The following OR10J1 variants were observed in gnomAD, a reference collection of about 807,000 sequenced individuals.
The protein encoded by OR10J1 is olfactory receptor 10J1.
For missense variants in OR10J1, 474 were observed against 376.6 expected, an observed-to-expected ratio of 1.26 and a Z score of -2.14; for synonymous variants, 202 against 143.8, an observed-to-expected ratio of 1.40 and a Z score of -2.89.
the OR10J1 span, among the ~76,000 whole-genome samples, chr1:159,431,534 T>C: frequency 2.0e-5 from 3 of 152,150 alleles, no homozygotes; most frequent in East Asian, 5.8e-4. Context: ...ACCAGGTGAG[T>C]CTGAGTAGAG....
At chr1:159,409,946 T>C in the OR10J1 span, among the ~76,000 whole-genome samples, 1 of 152,228 alleles carries the variant, frequency 6.6e-6, no homozygotes, top group South Asian at 2.1e-4. Context: ...TCTGCATCTA[T>C]TGAGATAATC....
the OR10J1 span, among the ~76,000 whole-genome samples, chr1:159,416,802 A>C: frequency 0.11 from 16,465 of 151,944 alleles, 1,139 homozygotes; most frequent in East Asian, 0.23. Context: ...TCCTGATTCA[A>C]GTCTTGGTAG....
At chr1:159,406,431 T>A in the OR10J1 span, 1 of 363,010 alleles carries the variant, frequency 2.8e-6, no homozygotes, top group Non-Finnish European at 5.4e-6. Flanking sequence ...TCCAACTATG[T>A]AACAGATTAC....
chr1:159,433,155 T>C (rs997051869), upstream of OR10J1: 1 of 403,016 alleles, frequency 2.5e-6, no homozygotes, highest in Non-Finnish European at 4.4e-6. Flanking sequence ...GTCAGTTCAA[T>C]AACAATCAAA....
the OR10J1 span, among the ~76,000 whole-genome samples, chr1:159,423,865 C>T: frequency 2.6e-5 from 4 of 152,276 alleles, no homozygotes; most frequent in African/African-American, 9.6e-5. Flanking sequence ...ACAAGAAACA[C>T]ACCCAGAACT....
chr1:159,424,609 A>G, the OR10J1 span, among the ~76,000 whole-genome samples: 2 of 151,894 alleles, frequency 1.3e-5, no homozygotes, highest in African/African-American at 4.8e-5. Flanking sequence ...TTCTACAAAA[A>G]GAAAACTTTG....
chr1:159,439,593 T>C (rs1042042202), upstream of OR10J1: 10 of 660,864 alleles, frequency 1.5e-5, no homozygotes, highest in Admixed American at 2.6e-4. Context: ...TGGAAAATTA[T>C]AACAGATGGT....
At chr1:159,399,548 G>A in the OR10J1 span, among the ~76,000 whole-genome samples, 1 of 142,592 alleles carries the variant, frequency 7.0e-6, no homozygotes, top group Non-Finnish European at 1.5e-5. Flanking sequence ...TCCAGCCTGG[G>A]CGATAGAGCG....
the OR10J1 span, among the ~76,000 whole-genome samples, chr1:159,413,781 T>TACACATATGTAACTAACCTGC: frequency 5.2e-4 from 79 of 151,742 alleles, no homozygotes; most frequent in Admixed American, 2.2e-3. Context: ...ATGGCACATG[T>TACACATATGTAACTAACCTGC]ACACATATGT....
At chr1:159,435,167 C>G (rs905268898), upstream of OR10J1, among the ~76,000 whole-genome samples, 3 of 152,248 alleles carry the variant, frequency 2.0e-5, no homozygotes, top group South Asian at 2.1e-4. Flanking sequence ...GATTTCACTC[C>G]GAGTGTTCTT....
At chr1:159,431,087 C>T in the OR10J1 span, among the ~76,000 whole-genome samples, 1 of 152,162 alleles carries the variant, frequency 6.6e-6, no homozygotes, top group African/African-American at 2.4e-5. Flanking sequence ...GAAGCAGAAG[C>T]TACCCTCCAC....
the OR10J1 span, among the ~76,000 whole-genome samples, chr1:159,419,160 T>C: frequency 6.6e-6 from 1 of 152,100 alleles, no homozygotes; most frequent in Non-Finnish European, 1.5e-5. Flanking sequence ...CTGAAATGAG[T>C]TAAGACTTTG....
In OR10J1 at chr1:159,440,061, G is replaced by T. The variant is rs758434052; in HGVS notation, c.270G>T (p.Gln90His). 6 of 1,613,964 alleles carry T rather than the reference G, an allele frequency of 3.7e-6. No individual in the cohort carries two copies. Among genetic ancestry groups the T allele is most frequent in the Non-Finnish European group, 5.1e-6 (6 of 1,180,012 alleles). The change falls in exon 1 of 1, where the codon CAG (glutamine) becomes CAT (histidine). Residue 90 changes from glutamine to histidine, a missense_variant. Transcript: ENST00000423932. ...TCTCCAGCCTCGTAGGTATGAGCCA[G>T]CCCATATCATTGGCAGGGTGTGCCA... ...RMLSSLVGMS[Q>H]PISLAGCATQ...
chr1:159,407,364 T>C, the OR10J1 span, among the ~76,000 whole-genome samples: 1 of 152,256 alleles, frequency 6.6e-6, no homozygotes, highest in South Asian at 2.1e-4. Context: ...GTGTCTCAAT[T>C]GCTTTATCTC....
the OR10J1 span, among the ~76,000 whole-genome samples, chr1:159,413,841 AT>A: frequency 1.3e-5 from 2 of 151,770 alleles, no homozygotes; most frequent in African/African-American, 2.4e-5. Context: ...AAGTATAATA[AT>A]AATAAAATAA....
the OR10J1 span, among the ~76,000 whole-genome samples, chr1:159,412,278 A>G: frequency 6.6e-6 from 1 of 151,706 alleles, no homozygotes; most frequent in African/African-American, 2.4e-5. Flanking sequence ...TAATTTACAG[A>G]TTCAATGCCA....
the OR10J1 span, among the ~76,000 whole-genome samples, chr1:159,421,198 T>C: frequency 6.6e-6 from 1 of 152,152 alleles, no homozygotes; most frequent in South Asian, 2.1e-4. Flanking sequence ...ATTTCAAATG[T>C]ATTTTGTATT....
chr1:159,436,450 G>A (rs1417262808), upstream of OR10J1, among the ~76,000 whole-genome samples: 1 of 151,832 alleles, frequency 6.6e-6, no homozygotes, highest in South Asian at 2.1e-4. Flanking sequence ...CCTCCCCTCT[G>A]GGCCAATTGC....
the OR10J1 span, among the ~76,000 whole-genome samples, chr1:159,414,349 T>G: frequency 6.6e-6 from 1 of 152,066 alleles, no homozygotes; most frequent in Non-Finnish European, 1.5e-5. Flanking sequence ...CATGTAAAAT[T>G]TTTCTTTTTG....
Sources: allele counts gnomAD v4.1 joint callset (sites outside exome capture counted in the v4.1 genomes callset), GRCh38; gene constraint gnomAD v4.1.1; transcripts MANE v1.5; gene names NCBI Gene and HGNC (gene_info 2026-07-23, HGNC 2026-07-21).